The following ADRM1 variants were observed in gnomAD, a reference collection of about 807,000 sequenced individuals.
The protein encoded by ADRM1 is proteasomal ubiquitin receptor ADRM1.
Under a neutral mutation model 40.1 loss-of-function variants are expected in ADRM1, and 2 were observed. That is an observed-to-expected ratio of 0.05 (90% CI 0.02 to 0.16). The LOEUF (loss-of-function observed/expected upper bound fraction) is 0.16, where lower values mean the gene tolerates loss of function less well. Ranked by LOEUF, ADRM1 falls within the 10% of genes least tolerant of loss-of-function variation. The pLI is 1.00. For missense variants in ADRM1, 467 were observed against 552.5 expected, an observed-to-expected ratio of 0.85 and a Z score of 1.55; for synonymous variants, 287 against 240.4, an observed-to-expected ratio of 1.19 and a Z score of -1.79.
At chr20:62,308,566 T>TCA in intron 9 of ADRM1, 89 bp from the exon 10 acceptor site, 3 of 1,562,834 alleles carry the variant, frequency 1.9e-6, no homozygotes, top group Non-Finnish European at 2.6e-6. Flanking sequence ...GGGGTAAAGG[T>TCA]CACAGCCCTT....
intron 4 of ADRM1, 53 bp from the exon 5 acceptor site, chr20:62,306,595 G>A (rs1985008993): frequency 1.3e-6 from 2 of 1,530,282 alleles, no homozygotes; most frequent in East Asian, 4.7e-5. Context: ...AGTGCGGTGG[G>A]GCCCGCGTGG....
At chr20:62,306,009 T>A in intron 3 of ADRM1, 188 bp from the exon 4 acceptor site, 1 of 666,036 alleles carries the variant, frequency 1.5e-6, no homozygotes, top group Non-Finnish European at 2.5e-6. Flanking sequence ...CAGAGCATCG[T>A]GCTCAGGAGG....
rs763623601 is a variant in ADRM1, at chr20:62,308,043, G to A, written c.879G>A (p.Thr293=). 1.7e-5 allele frequency: 28 copies of A among 1,611,070 alleles called. No homozygotes were observed. Among genetic ancestry groups the A allele is most frequent in the African/African-American group, 8.0e-5 (6 of 74,928 alleles). ...CAGTGGACCTGGCCAGTGTGCTGAC[G>A]CCGGAGATAATGGCTCCCATCCTCG... ...GQQVDLASVL[T]PEIMAPILAN... is the part of the protein sequence containing the mutation. The change falls in exon 8 of 10, where the codon ACG becomes ACA. Residue 293 remains threonine (T), a synonymous_variant. Transcript: ENST00000253003.
intron 5 of ADRM1, 62 bp from the exon 6 acceptor site, chr20:62,307,309 G>A: frequency 6.7e-7 from 1 of 1,490,218 alleles, no homozygotes; most frequent in Non-Finnish European, 9.1e-7. Context: ...CCTGGGGAGG[G>A]GCCAGGCTCT....
In ADRM1 at chr20:62,307,848, G is replaced by C; in HGVS notation, c.856+20G>C. ...AGCAAGGTAACGTGTGCTGTCGCCT[G>C]GAGCTGGGTGGGGGGCATGGGGCCT... On this transcript the variant is annotated intron_variant, in intron 7 of 9. Coordinates refer to ENST00000253003, the MANE Select transcript of ADRM1 (RefSeq NM_007002.4). The C allele has an allele frequency of 6.3e-7, 1 of 1,583,988 alleles. No homozygotes were observed. Among genetic ancestry groups the C allele is most frequent in the Non-Finnish European group, 8.6e-7 (1 of 1,165,868 alleles).
intron 8 of ADRM1, 49 bp downstream of exon 8, chr20:62,308,227 C>A: frequency 6.4e-7 from 1 of 1,567,210 alleles, no homozygotes; most frequent in Non-Finnish European, 8.6e-7. Flanking sequence ...AGGGAGTGGG[C>A]AGGGGGGAGG....
In ADRM1 at chr20:62,306,204, A is replaced by G. The variant is rs758813628; in HGVS notation, c.338A>G (p.Lys113Arg). ...ATGCCCTTCCTCTTGCAGGAACCCA[A>G]GACAGACCAGGATGAGGAGCATTGC... Reference protein sequence around the residue: ...KRLFFWMQEPKTDQDEEHCRK... With the variant: ...KRLFFWMQEPRTDQDEEHCRK... Residue 113 changes from lysine to arginine, a missense_variant, in exon 4 of 10, where the codon AAG becomes AGG. Physicochemically the swap from Lys to Arg is conservative, Grantham distance 26. Transcript: ENST00000253003. 1.4e-5 allele frequency: 23 copies of G among 1,612,752 alleles called. No individual in the cohort carries two copies. The South Asian group carries it at 2.5e-4, about 18-fold the overall frequency.
At position 62,307,732 on chromosome 20, in the gene ADRM1, ACAG is replaced by A. The variant is rs1568875582; in HGVS notation, c.765_767del (p.Ala256del). 1.2e-6 allele frequency: 2 copies of A among 1,612,022 alleles called. No homozygotes were observed. The highest frequency in any genetic ancestry group is 1.7e-5 in the Admixed American group (1 of 59,978). ...GCCCAGTTCCGGGAATGGAGCCAGC[ACAG>A]CAGCCAGCCCGACCCAGCCCATCCA... On this transcript the variant is annotated inframe_deletion, in exon 7 of 10. Transcript: ENST00000253003.
chr20:62,306,841 G>A (rs1243983254), intron 5 of ADRM1, 107 bp downstream of exon 5: 1 of 1,101,316 alleles, frequency 9.1e-7, no homozygotes, highest in Non-Finnish European at 1.3e-6. Flanking sequence ...TAGTGTCGGG[G>A]AGCCTGTGTG....
At chr20:62,308,569 C>G (rs1432210700) in intron 9 of ADRM1, 86 bp from the exon 10 acceptor site, 1 of 1,568,594 alleles carries the variant, frequency 6.4e-7, no homozygotes, top group East Asian at 2.3e-5. Flanking sequence ...GTAAAGGTCA[C>G]AGCCCTTCTG....
rs758013105 is a variant in ADRM1, at chr20:62,303,561, C to T, written c.-1-7C>T. 15 of 1,565,868 alleles carry T rather than the reference C, an allele frequency of 9.6e-6. No homozygotes were observed. The South Asian group carries it at 1.6e-4, about 16-fold the overall frequency. On this transcript the variant is annotated splice_polypyrimidine_tract_variant and splice_region_variant and intron_variant, in intron 1 of 9. Transcript: ENST00000253003. ...GCCGCGTCTCAGCGTCCTCTCCGCG[C>T]TTTCAGGATGACGACCTCAGGCGCG... is the stretch of plus-strand genomic sequence containing the variant.
At chr20:62,306,982 G>A (rs944533829) in intron 5 of ADRM1, among the ~76,000 whole-genome samples, 5 of 152,274 alleles carry the variant, frequency 3.3e-5, no homozygotes, top group Admixed American at 6.5e-5. Flanking sequence ...CCGAGCGGTG[G>A]GGCTGGAGGA....
intron 5 of ADRM1, 48 bp downstream of exon 5, chr20:62,306,782 T>C (rs2146004543): frequency 6.7e-7 from 1 of 1,502,290 alleles, no homozygotes; most frequent in East Asian, 2.4e-5. Flanking sequence ...TGGGAATGCT[T>C]TGAGGCCCGG....
At chr20:62,304,371 C>A in intron 2 of ADRM1, 90 bp from the exon 3 acceptor site, 1 of 1,137,158 alleles carries the variant, frequency 8.8e-7, no homozygotes, top group Non-Finnish European at 1.3e-6. Context: ...GCACCCCACC[C>A]GGTTAGACCC....
At position 62,308,798 on chromosome 20, in the gene ADRM1, G is replaced by C. The variant is rs1204458656; in HGVS notation, c.*37G>C. The C allele has an allele frequency of 6.2e-7, 1 of 1,609,498 alleles. No individual in the cohort carries two copies. The highest frequency in any genetic ancestry group is 8.5e-7 in the Non-Finnish European group (1 of 1,178,522). ...TCCTCCGAGGAACTGGGCGCTTGCA[G>C]TGCGTTGCACACCCTCACCTCCCAC... On this transcript the variant is annotated 3_prime_UTR_variant, in exon 10 of 10. Coordinates refer to ENST00000253003, the MANE Select transcript of ADRM1 (RefSeq NM_007002.4).
Position 62,307,663 on chromosome 20 carries a change from C to G in ADRM1, c.691C>G (p.Pro231Ala), listed in dbSNP as rs1435798905. Residue 231 changes from proline to alanine, a missense_variant, in exon 7 of 10, where the codon CCT (proline) becomes GCT (alanine). By Grantham distance (27) the Pro-to-Ala change is conservative. Coordinates refer to ENST00000253003, the MANE Select transcript of ADRM1 (RefSeq NM_007002.4). Reference protein sequence around the residue: ...TTSSTRATPAPSAPAAASATS... With the variant: ...TTSSTRATPAASAPAAASATS... ...CTCTTCCACCCGTGCCACCCCAGCC[C>G]CTTCTGCTCCAGCAGCTGCCTCAGC... is the stretch of plus-strand genomic sequence containing the variant. 2 of 1,612,324 alleles carry G rather than the reference C, an allele frequency of 1.2e-6. No homozygotes were observed. Among genetic ancestry groups the G allele is most frequent in the South Asian group, 2.2e-5 (2 of 91,080 alleles).
Position 62,308,737 on chromosome 20 carries a change from AGAG to A in ADRM1, c.1206_1208del (p.Glu402del), listed in dbSNP as rs770185189. On this transcript the variant is annotated inframe_deletion, in exon 10 of 10. Coordinates refer to ENST00000253003, the MANE Select transcript of ADRM1 (RefSeq NM_007002.4). Reference sequence around the variant, plus strand: ...GCGACACGAAGGACAAGAAGGACGAAGAGGAGGACATGAGCCTGGACTGAGCCA... The same window carrying A: ...GCGACACGAAGGACAAGAAGGACGAAGAGGACATGAGCCTGGACTGAGCCA... The A allele has an allele frequency of 5.6e-6, 9 of 1,603,012 alleles. No individual in the cohort carries two copies. Among genetic ancestry groups the A allele is most frequent in the East Asian group, 2.2e-5 (1 of 44,892 alleles).
chr20:62,308,713 C>CGACACGAAG lies in ADRM1; in HGVS notation c.1181_1189dup (p.Thr394_Asp396dup), dbSNP rs202079747. 0.021 allele frequency: 33,082 copies of CGACACGAAG among 1,612,966 alleles called. 403 individuals carry two copies. Among genetic ancestry groups the CGACACGAAG allele is most frequent in the Non-Finnish European group, 0.024 (28,263 of 1,179,948 alleles). ...ACGCCAAGCCCGAGCAGAAAGAGGG[C>CGACACGAAG]GACACGAAGGACAAGAAGGACGAAG... is the stretch of plus-strand genomic sequence containing the variant. On this transcript the variant is annotated inframe_insertion, in exon 10 of 10. Transcript: ENST00000253003.
At chr20:62,307,974 G>A in intron 7 of ADRM1, 47 bp from the exon 8 acceptor site, 1 of 1,585,094 alleles carries the variant, frequency 6.3e-7, no homozygotes, top group Non-Finnish European at 8.6e-7. Context: ...CTTCCATGTG[G>A]GCACTTAGGC....
Sources: allele counts gnomAD v4.1 joint callset (sites outside exome capture counted in the v4.1 genomes callset), GRCh38; gene constraint gnomAD v4.1.1; transcripts MANE v1.5; gene names NCBI Gene and HGNC (gene_info 2026-07-23, HGNC 2026-07-21).